Variants in OBI1 observed in about 807,000 individuals in gnomAD.
The protein encoded by OBI1 is ORC ubiquitin ligase 1.
A neutral mutation model predicts 62.4 loss-of-function variants in OBI1; 59 were observed. The observed-to-expected ratio is 0.95, with a 90% CI of 0.77 to 1.17. OBI1 has a LOEUF of 1.17. Among genes scored for constraint, OBI1 ranks in the 50% most tolerant of loss-of-function variants. The pLI is 0.00. For missense variants in OBI1, 875 were observed against 830.9 expected (o/e 1.05, Z -0.65); for synonymous variants, 302 against 292.8 (o/e 1.03, Z -0.32).
At position 78,639,001 on chromosome 13, in the gene OBI1, A is replaced by C. The variant is rs746025161; in HGVS notation, c.371T>G (p.Ile124Ser). 1 of 1,613,880 alleles carries C rather than the reference A, an allele frequency of 6.2e-7. No homozygotes were observed. The highest frequency in any genetic ancestry group is 1.7e-5 in the Admixed American group (1 of 60,012). Residue 124 changes from isoleucine to serine, a missense_variant, in exon 4 of 6, where the codon ATC (isoleucine) becomes AGC (serine). Ile to Ser is a moderately radical substitution (Grantham distance 142, BLOSUM62 -2). Transcript: ENST00000282003. ...KSKNLSLESQ[I>S]KTILDPLTLV... ...GGTTAAAGGATCCAGAATAGTTTTG[A>C]TCTGTGACTCCAAGCTGAGATTTTT...
chr13:78,629,274 C>T (rs1192386249), intron 5 of OBI1, among the ~76,000 whole-genome samples: 1 of 152,000 alleles, frequency 6.6e-6, no homozygotes, highest in African/African-American at 2.4e-5. Context: ...TCACTAAAGA[C>T]ACAATGACAG....
At chr13:78,622,583 C>T (rs1393919106) in intron 5 of OBI1, among the ~76,000 whole-genome samples, 1 of 152,180 alleles carries the variant, frequency 6.6e-6, no homozygotes, top group East Asian at 1.9e-4. Flanking sequence ...AGGAAAGTAT[C>T]TTTTCTATTT....
chr13:78,631,892 T>C (rs1875863008), intron 5 of OBI1, among the ~76,000 whole-genome samples: 1 of 152,124 alleles, frequency 6.6e-6, no homozygotes, highest in African/African-American at 2.4e-5. Context: ...AAGATTATGG[T>C]ATTGTTTTTA....
chr13:78,649,278 A>C (rs1335681924), intron 1 of OBI1, among the ~76,000 whole-genome samples: 1 of 152,210 alleles, frequency 6.6e-6, no homozygotes, highest in Non-Finnish European at 1.5e-5. Flanking sequence ...AGGAAGAGCA[A>C]CCAGCAGAGG....
rs181675982 is a variant in OBI1 at position 78,615,841 on chromosome 13, T to C, written c.1920A>G (p.Lys640=). Residue 640 remains lysine (K), a synonymous_variant, in exon 6 of 6, where the codon AAA becomes AAG. Transcript: ENST00000282003. ...SSSCPVTNEI[K]PPSCLFQTEF... ...CTGTCTGAAACAAGCAGCTTGGGGG[T>C]TTGATTTCATTAGTTACTGGACAAG... The C allele has an allele frequency of 6.2e-7, 1 of 1,614,052 alleles. No homozygotes were observed. Among genetic ancestry groups the C allele is most frequent in the East Asian group, 2.2e-5 (1 of 44,868 alleles).
rs1876113427 is a variant in OBI1, at chr13:78,638,923, C to T, written c.449G>A (p.Ser150Asn). 6.2e-7 allele frequency: 1 copy of T among 1,613,832 alleles called. No homozygotes were observed. The highest frequency in any genetic ancestry group is 1.1e-5 in the South Asian group (1 of 91,074). The part of the protein sequence containing the change: ...EDKHLVTDNP[S>N]KINPETVAEW... ...TGCTACAGTTTCTGGGTTAATTTTA[C>T]TTGGATTATCTGTGACTAGATGTTT... The change falls in exon 4 of 6, where the codon AGT becomes AAT. Residue 150 changes from serine to asparagine, a missense_variant. Transcript: ENST00000282003.
chr13:78,658,169 G>A (rs186194746), intron 1 of OBI1, among the ~76,000 whole-genome samples: 3 of 152,102 alleles, frequency 2.0e-5, no homozygotes, highest in African/African-American at 4.8e-5. Flanking sequence ...GCGCTGGGGG[G>A]TAAACACACA....
chr13:78,634,011 T>C (rs905669940), intron 5 of OBI1, among the ~76,000 whole-genome samples: 1 of 149,472 alleles, frequency 6.7e-6, no homozygotes, highest in Non-Finnish European at 1.5e-5. Flanking sequence ...GAGCCTGCAG[T>C]GAGCCGAGAT....
intron 5 of OBI1, among the ~76,000 whole-genome samples, chr13:78,630,562 T>C (rs1349011651): frequency 6.6e-6 from 1 of 152,134 alleles, no homozygotes; most frequent in African/African-American, 2.4e-5. Flanking sequence ...GATGGTATAA[T>C]ATTTAAAGGT....
intron 5 of OBI1, among the ~76,000 whole-genome samples, chr13:78,626,564 G>A (rs1875673108): frequency 6.6e-6 from 1 of 151,926 alleles, no homozygotes; most frequent in African/African-American, 2.4e-5. Flanking sequence ...ACCAACAACT[G>A]GGCTAGATCT....
chr13:78,627,767 T>C (rs979379015), intron 5 of OBI1, among the ~76,000 whole-genome samples: 31 of 152,388 alleles, frequency 2.0e-4, no homozygotes, highest in African/African-American at 7.0e-4. Flanking sequence ...AGAAGATTTA[T>C]ATTATTTTGT....
intron 5 of OBI1, among the ~76,000 whole-genome samples, chr13:78,632,640 T>C (rs1054163161): frequency 6.6e-6 from 1 of 152,210 alleles, no homozygotes; most frequent in Non-Finnish European, 1.5e-5. Context: ...ATTTGTGAAC[T>C]CTTGAAATGT....
In OBI1 at chr13:78,659,013, C is replaced by A. The variant is rs779913948; in HGVS notation, c.72+36G>T. On this transcript the variant is annotated intron_variant, in intron 1 of 5. Transcript: ENST00000282003. ...CGGCCCCGGCGAGCGACTTATCCAA[C>A]CCCGTTTTGTAGCTGTGCCCACAAT... The A allele has an allele frequency of 4.4e-6, 7 of 1,596,526 alleles. No homozygotes were observed. In the South Asian group the frequency reaches 7.8e-5, roughly 18 times the overall value.
chr13:78,656,364 A>G (rs1876700475), intron 1 of OBI1, among the ~76,000 whole-genome samples: 1 of 128,738 alleles, frequency 7.8e-6, no homozygotes, highest in Non-Finnish European at 1.7e-5. Context: ...CGGGCAGATC[A>G]CCTAGTTCGG....
At chr13:78,633,209 C>T (rs2137444660) in intron 5 of OBI1, among the ~76,000 whole-genome samples, 1 of 152,278 alleles carries the variant, frequency 6.6e-6, no homozygotes, top group East Asian at 1.9e-4. Context: ...CACTACATAA[C>T]AGTAACACTT....
chr13:78,616,737 T>C lies in OBI1; in HGVS notation c.1024A>G (p.Lys342Glu). ...SKADLNCSKN[K>E]DLYQEQVEVM... ...TCTACCTGTTCTTGATATAGGTCTTTGTTCTTAGAACAGTTAAGGTCTGCT... is the reference window on the plus strand; with the variant it reads ...TCTACCTGTTCTTGATATAGGTCTTCGTTCTTAGAACAGTTAAGGTCTGCT... Residue 342 changes from lysine (K) to glutamate (E), a missense_variant, in exon 6 of 6, where the codon AAA becomes GAA. Coordinates refer to ENST00000282003, the MANE Select transcript of OBI1 (RefSeq NM_024546.4). The C allele has an allele frequency of 6.2e-7, 1 of 1,614,232 alleles. No homozygotes were observed. Among genetic ancestry groups the C allele is most frequent in the Non-Finnish European group, 8.5e-7 (1 of 1,180,030 alleles).
intron 1 of OBI1, among the ~76,000 whole-genome samples, chr13:78,646,347 C>T (rs1026950103): frequency 1.3e-5 from 2 of 152,160 alleles, no homozygotes; most frequent in Non-Finnish European, 2.9e-5. Context: ...AGCAGGTACT[C>T]AACAAAGGTC....
chr13:78,618,684 G>A (rs773161887), intron 5 of OBI1, among the ~76,000 whole-genome samples: 4 of 152,048 alleles, frequency 2.6e-5, no homozygotes, highest in East Asian at 1.9e-4. Flanking sequence ...GAGAGAGCAC[G>A]CTCCCTTCAA....
At chr13:78,635,637 T>C (rs1876005168) in intron 4 of OBI1, among the ~76,000 whole-genome samples, 1 of 152,226 alleles carries the variant, frequency 6.6e-6, no homozygotes, top group African/African-American at 2.4e-5. Flanking sequence ...AATTTTTTTC[T>C]AGTGATAACA....
Sources: allele counts gnomAD v4.1 joint callset (sites outside exome capture counted in the v4.1 genomes callset), GRCh38; gene constraint gnomAD v4.1.1; transcripts MANE v1.5; gene names NCBI Gene and HGNC (gene_info 2026-07-23, HGNC 2026-07-21).